LAMA2: variants seen among roughly 807,000 people sequenced by gnomAD.
The protein encoded by LAMA2 is laminin subunit alpha 2.
Under a neutral mutation model 364.8 loss-of-function variants are expected in LAMA2, and 269 were observed. That is an observed-to-expected ratio of 0.74 (90% CI 0.67 to 0.82). The LOEUF is 0.82. Among genes scored for constraint, LAMA2 ranks in the 40% least tolerant of loss-of-function variants. The pLI is 0.00. For missense variants in LAMA2, 3,807 were observed against 3,873.2 expected (o/e 0.98, Z 0.45); for synonymous variants, 1,379 against 1,370.6 (o/e 1.01, Z -0.14).
Position 129,312,901 on chromosome 6 carries a change from G to T in LAMA2, c.3215G>T (p.Cys1072Phe). ...ACAGTGGGATCCTTGGATTTCCAAT[G>T]CAATGTAAATACAGGCCAATGCAAC... Reference protein sequence around the residue: ...CSTVGSLDFQCNVNTGQCNCH... With the variant: ...CSTVGSLDFQFNVNTGQCNCH... The change falls in exon 23 of 65, where the codon TGC becomes TTC. Residue 1072 changes from cysteine to phenylalanine, a missense_variant. Transcript: ENST00000421865. 6.2e-7 allele frequency: 1 copy of T among 1,614,112 alleles called. No homozygotes were observed. The highest frequency in any genetic ancestry group is 8.5e-7 in the Non-Finnish European group (1 of 1,179,974).
intron 1 of LAMA2, among the ~76,000 whole-genome samples, chr6:128,930,179 C>A (rs1779376477): frequency 6.6e-6 from 1 of 152,218 alleles, no homozygotes; most frequent in African/African-American, 2.4e-5. Context: ...GGCGCGACTG[C>A]CACAAGGGAA....
At chr6:129,409,454 C>T (rs1397485969) in intron 40 of LAMA2, among the ~76,000 whole-genome samples, 1 of 152,200 alleles carries the variant, frequency 6.6e-6, no homozygotes, top group Non-Finnish European at 1.5e-5. Context: ...ATACCACTTA[C>T]AGTTGATGAT....
At chr6:129,297,531 T>C (rs1300736080) in intron 20 of LAMA2, among the ~76,000 whole-genome samples, 154 bp from the exon 21 acceptor site, 1 of 152,224 alleles carries the variant, frequency 6.6e-6, no homozygotes, top group Admixed American at 6.5e-5. Flanking sequence ...AAGGTCCATT[T>C]GATTGAATGA....
chr6:128,905,025 AT>A (rs1235838645), intron 1 of LAMA2, among the ~76,000 whole-genome samples: 2 of 152,214 alleles, frequency 1.3e-5, no homozygotes, highest in African/African-American at 4.8e-5. Context: ...TAACCATTTT[AT>A]AATTTTAGTC....
chr6:128,939,481 C>G (rs922137344), intron 1 of LAMA2, among the ~76,000 whole-genome samples: 1 of 151,996 alleles, frequency 6.6e-6, no homozygotes, highest in Non-Finnish European at 1.5e-5. Flanking sequence ...CATTTACTTT[C>G]TTTTTGCTTA....
At chr6:129,497,305 A>G (rs992875213) in intron 58 of LAMA2, among the ~76,000 whole-genome samples, 8 of 151,754 alleles carry the variant, frequency 5.3e-5, no homozygotes, top group Admixed American at 2.0e-4. Context: ...TGGCGCAATC[A>G]TGGCTTACTG....
intron 40 of LAMA2, among the ~76,000 whole-genome samples, chr6:129,426,233 C>T (rs931667707): frequency 1.3e-5 from 2 of 152,118 alleles, no homozygotes; most frequent in Non-Finnish European, 2.9e-5. Flanking sequence ...TGCTCATTGT[C>T]GGACAGATTG....
intron 10 of LAMA2, among the ~76,000 whole-genome samples, chr6:129,184,987 T>A (rs1454869642): frequency 1.3e-5 from 2 of 151,950 alleles, no homozygotes; most frequent in East Asian, 3.9e-4. Context: ...TAACTAATTA[T>A]CCTTCTTTTG....
At chr6:129,197,234 A>G (rs927722693) in intron 12 of LAMA2, among the ~76,000 whole-genome samples, 1 of 152,216 alleles carries the variant, frequency 6.6e-6, no homozygotes, top group Non-Finnish European at 1.5e-5. Flanking sequence ...CATTCTATAG[A>G]GAATCTCCTT....
intron 2 of LAMA2, among the ~76,000 whole-genome samples, chr6:129,052,133 TC>T (rs1455992565): frequency 1.4e-4 from 20 of 141,594 alleles, no homozygotes; most frequent in African/African-American, 5.3e-4. Context: ...GTATTTCTTC[TC>T]CTTTTTTTTT....
intron 61 of LAMA2, among the ~76,000 whole-genome samples, chr6:129,506,675 C>A (rs1210088880): frequency 6.6e-6 from 1 of 152,002 alleles, no homozygotes; most frequent in Non-Finnish European, 1.5e-5. Context: ...ACACTAGATA[C>A]AAATGTGATA....
At chr6:129,167,352 C>T (rs1779817726) in intron 9 of LAMA2, among the ~76,000 whole-genome samples, 2 of 145,338 alleles carry the variant, frequency 1.4e-5, no homozygotes, top group South Asian at 4.5e-4. Flanking sequence ...TGATATTCCC[C>T]TTCCTGTGTC....
intron 4 of LAMA2, among the ~76,000 whole-genome samples, chr6:129,113,494 G>C (rs115501217): frequency 6.6e-6 from 1 of 151,990 alleles, no homozygotes; most frequent in African/African-American, 2.4e-5. Context: ...CAAGTAACTG[G>C]TTTTGTCTCC....
At chr6:129,266,147 C>A (rs1373945525) in intron 15 of LAMA2, among the ~76,000 whole-genome samples, 3 of 152,092 alleles carry the variant, frequency 2.0e-5, no homozygotes, top group East Asian at 3.9e-4. Flanking sequence ...TGTACTCGAC[C>A]ATCCAGAAAT....
intron 1 of LAMA2, among the ~76,000 whole-genome samples, chr6:128,937,561 C>T (rs1779902774): frequency 1.3e-5 from 2 of 151,966 alleles, no homozygotes; most frequent in Non-Finnish European, 2.9e-5. Context: ...TTATCAACTT[C>T]TTGTAGGTTA....
intron 34 of LAMA2, among the ~76,000 whole-genome samples, chr6:129,374,873 C>G (rs1397285677): frequency 1.3e-5 from 2 of 151,778 alleles, no homozygotes; most frequent in Non-Finnish European, 2.9e-5. Flanking sequence ...GCGTGAGCCA[C>G]CATGCCCAGC....
At chr6:129,148,068 G>A (rs1221419145) in intron 6 of LAMA2, among the ~76,000 whole-genome samples, 1 of 152,008 alleles carries the variant, frequency 6.6e-6, no homozygotes, top group Non-Finnish European at 1.5e-5. Context: ...GCTTTACAGA[G>A]TCCCTTTGTC....
rs530100380 is a variant in LAMA2 at position 129,101,458 on chromosome 6, G to A, written c.639+3043G>A. ...TTCCATTGCTTATGTAGAGAATGCA[G>A]CTATCCGATTACTATCTTTTGGAGT... On this transcript the variant is annotated intron_variant, in intron 4 of 64. Coordinates refer to ENST00000421865, the MANE Select transcript of LAMA2 (RefSeq NM_000426.4). Among the ~76,000 whole-genome samples, 133 of 152,202 alleles carry A rather than the reference G, an allele frequency of 8.7e-4. 1 individual carries two copies. The highest frequency in any genetic ancestry group is 3.2e-3 in the African/African-American group (132 of 41,524).
chr6:129,464,404 A>G lies in LAMA2; in HGVS notation c.7107A>G (p.Arg2369=). 6.2e-7 allele frequency: 1 copy of G among 1,612,454 alleles called. No individual in the cohort carries two copies. The highest frequency in any genetic ancestry group is 8.5e-7 in the Non-Finnish European group (1 of 1,178,844). Residue 2369 remains arginine (R), a synonymous_variant, in exon 50 of 65, where the codon AGA becomes AGG. Coordinates refer to ENST00000421865, the MANE Select transcript of LAMA2 (RefSeq NM_000426.4). The part of the protein sequence containing the change: ...PNISTVMFKF[R]TFSSSALLMY... ...TCTCCACTGTCATGTTCAAGTTCAGAACATTTTCTTCGAGTGCTCTTCTGA... is the reference window on the plus strand; with the variant it reads ...TCTCCACTGTCATGTTCAAGTTCAGGACATTTTCTTCGAGTGCTCTTCTGA...
Sources: allele counts gnomAD v4.1 joint callset (sites outside exome capture counted in the v4.1 genomes callset), GRCh38; gene constraint gnomAD v4.1.1; transcripts MANE v1.5; gene names NCBI Gene and HGNC (gene_info 2026-07-23, HGNC 2026-07-21).